Variants in UNC5C observed in about 807,000 individuals in gnomAD.
UNC5C encodes the protein unc-5 netrin receptor C, also known as netrin receptor UNC5C.
UNC5C carries 47 observed loss-of-function variants against 99.8 expected under a neutral mutation model. The observed-to-expected ratio is 0.47, with a 90% CI of 0.37 to 0.60. The LOEUF is 0.60. UNC5C is among the 20% of genes least tolerant of loss of function. The probability of loss-of-function intolerance (pLI) is 0.00; values close to 1 mark genes in which losing one functional copy is unlikely to be tolerated. For synonymous variants in UNC5C, 487 were observed against 452.2 expected, an observed-to-expected ratio of 1.08 and a Z score of -0.98; for missense variants, 1,062 against 1,165.9, an observed-to-expected ratio of 0.91 and a Z score of 1.30.
In UNC5C at chr4:95,548,106, C is replaced by G. The variant is rs182919984; in HGVS notation, c.124+628G>C. ...GGGTATGTATGAGTGCAGAGGCATG[C>G]ACATCCCGGGCCTGCCTCCAGCCGG... is the stretch of plus-strand genomic sequence containing the variant. On this transcript the variant is annotated intron_variant, in intron 1 of 15. Coordinates refer to ENST00000453304, the MANE Select transcript of UNC5C (RefSeq NM_003728.4). 3.3e-3 allele frequency among the ~76,000 whole-genome samples: 502 copies of G among 152,286 alleles called. 5 individuals are homozygous for G. Among genetic ancestry groups the G allele is most frequent in the Middle Eastern group, 0.017 (5 of 294 alleles).
intron 1 of UNC5C, among the ~76,000 whole-genome samples, chr4:95,546,133 T>C (rs546571973): frequency 7.2e-5 from 11 of 152,352 alleles, no homozygotes; most frequent in African/African-American, 2.6e-4. Context: ...CATTGTAAAG[T>C]GCTTAAAGTA....
At chr4:95,192,762 G>T (rs2149355915) in intron 12 of UNC5C, among the ~76,000 whole-genome samples, 1 of 151,326 alleles carries the variant, frequency 6.6e-6, no homozygotes, top group East Asian at 2.0e-4. Context: ...CCCTTGCCCT[G>T]CATAACAACT....
At chr4:95,447,155 A>C (rs1036090772) in intron 1 of UNC5C, among the ~76,000 whole-genome samples, 1 of 152,206 alleles carries the variant, frequency 6.6e-6, no homozygotes. Flanking sequence ...CTAGTAAAAA[A>C]TTGAAGAGCT....
At chr4:95,452,248 C>A (rs1747299035) in intron 1 of UNC5C, among the ~76,000 whole-genome samples, 1 of 133,302 alleles carries the variant, frequency 7.5e-6, no homozygotes, top group African/African-American at 3.0e-5. Context: ...TTGCATATAA[C>A]TTTCTGATAA....
chr4:95,389,711 T>C (rs1288166213), intron 1 of UNC5C, among the ~76,000 whole-genome samples: 1 of 152,128 alleles, frequency 6.6e-6, no homozygotes, highest in East Asian at 1.9e-4. Context: ...ACAGATCATG[T>C]ATTTCTGATG....
At chr4:95,486,009 A>T (rs997953029) in intron 1 of UNC5C, among the ~76,000 whole-genome samples, 1 of 151,750 alleles carries the variant, frequency 6.6e-6, no homozygotes, top group African/African-American at 2.4e-5. Flanking sequence ...ATGAACCATA[A>T]AAATATTTTT....
At chr4:95,350,216 G>A (rs1269170242) in intron 1 of UNC5C, among the ~76,000 whole-genome samples, 3 of 152,068 alleles carry the variant, frequency 2.0e-5, no homozygotes, top group Admixed American at 6.6e-5. Context: ...GGCTGGGCGC[G>A]ATGGTTCACG....
At position 95,336,215 on chromosome 4, in the gene UNC5C, C is replaced by T. The variant is rs1223213399; in HGVS notation, c.125-584G>A. 2.6e-5 allele frequency among the ~76,000 whole-genome samples: 4 copies of T among 151,828 alleles called. No homozygotes were observed. In the Admixed American group the frequency reaches 2.6e-4, roughly 10 times the overall value. On this transcript the variant is annotated intron_variant, in intron 1 of 15. Coordinates refer to ENST00000453304, the MANE Select transcript of UNC5C (RefSeq NM_003728.4). ...TAGATAATTTGCACACTTTGAGATA[C>T]ATTTTAAACCTGGATTCTGCATGAT...
At chr4:95,218,672 T>C (rs1738348399) in intron 9 of UNC5C, among the ~76,000 whole-genome samples, 1 of 152,224 alleles carries the variant, frequency 6.6e-6, no homozygotes, top group African/African-American at 2.4e-5. Context: ...GGCTTGATGT[T>C]GCCTTCTGAA....
chr4:95,189,671 G>A (rs184139674), intron 12 of UNC5C, among the ~76,000 whole-genome samples: 2 of 152,304 alleles, frequency 1.3e-5, no homozygotes, highest in East Asian at 3.9e-4. Flanking sequence ...CCATCAAAAA[G>A]TGGGCGAAGG....
chr4:95,502,237 C>T (rs1318816480), intron 1 of UNC5C, among the ~76,000 whole-genome samples: 2 of 152,062 alleles, frequency 1.3e-5, no homozygotes, highest in Admixed American at 6.6e-5. Flanking sequence ...GGATTAGAAA[C>T]TTTATTAGAA....
Position 95,266,866 on chromosome 4 carries a change from G to T in UNC5C, c.594+11393C>A, listed in dbSNP as rs1294554612. Among the ~76,000 whole-genome samples, 4 of 152,148 alleles carry T rather than the reference G, an allele frequency of 2.6e-5. No homozygotes were observed. In the East Asian group the frequency reaches 7.7e-4, roughly 29 times the overall value. ...TCCAGTGGATTATCCATTTATAGCT[G>T]GTCACTAAATATGGGATAAGTTATA... On this transcript the variant is annotated intron_variant, in intron 4 of 15. Transcript: ENST00000453304.
At position 95,164,206 on chromosome 4, in the gene UNC5C, C is replaced by A. The variant is rs1318202261; in HGVS notation, c.*5028G>T. The A allele has an allele frequency of 6.6e-6, 1 of 152,190 alleles. No individual in the cohort carries two copies. The highest frequency in any genetic ancestry group is 1.5e-5 in the Non-Finnish European group (1 of 68,040). The allele number at this position is 152,190 out of a possible 1,614,324, so 9.4% of individuals were successfully genotyped here. A position where few individuals can be genotyped will look rare whatever the true frequency, so the allele number is the denominator to read the frequency against. On this transcript the variant is annotated 3_prime_UTR_variant, in exon 16 of 16. Transcript: ENST00000453304. ...ACCCAGTTCTACACAAAGCCATCTCCCCACTTTTCAAAAATAGGTTTTTCA... is the reference window on the plus strand; with the variant it reads ...ACCCAGTTCTACACAAAGCCATCTCACCACTTTTCAAAAATAGGTTTTTCA...
intron 1 of UNC5C, among the ~76,000 whole-genome samples, chr4:95,339,257 C>T (rs1345429806): frequency 6.6e-6 from 1 of 151,962 alleles, no homozygotes; most frequent in African/African-American, 2.4e-5. Flanking sequence ...CTGTGGCCTT[C>T]CTTTGGATGT....
chr4:95,386,012 A>G (rs1745201694), intron 1 of UNC5C, among the ~76,000 whole-genome samples: 1 of 152,072 alleles, frequency 6.6e-6, no homozygotes, highest in South Asian at 2.1e-4. Flanking sequence ...CTCTCCTCAA[A>G]GTGTCTGTTA....
intron 1 of UNC5C, among the ~76,000 whole-genome samples, chr4:95,462,631 G>A (rs1747638827): frequency 6.6e-6 from 1 of 152,172 alleles, no homozygotes; most frequent in Non-Finnish European, 1.5e-5. Context: ...CTTAACTGCT[G>A]TAATGTTTTA....
At chr4:95,522,352 GT>G (rs1423947374) in intron 1 of UNC5C, among the ~76,000 whole-genome samples, 1 of 151,988 alleles carries the variant, frequency 6.6e-6, no homozygotes, top group East Asian at 1.9e-4. Context: ...ATTTCTTTCA[GT>G]AAAAATAGAT....
At chr4:95,470,970 TTGAAG>T (rs1747949071) in intron 1 of UNC5C, among the ~76,000 whole-genome samples, 1 of 152,086 alleles carries the variant, frequency 6.6e-6, no homozygotes, top group African/African-American at 2.4e-5. Context: ...GGATATACTT[TTGAAG>T]TTTTTTATCC....
chr4:95,381,020 G>A (rs1375407608), intron 1 of UNC5C, among the ~76,000 whole-genome samples: 32 of 152,134 alleles, frequency 2.1e-4, no homozygotes, highest in Admixed American at 2.1e-3. Context: ...CATTACATAG[G>A]AGAAGAAAAC....
Sources: gnomAD v4.1 joint callset for allele counts (sites outside exome capture counted in the v4.1 genomes callset) on GRCh38, gnomAD v4.1.1 for gene constraint, MANE v1.5 for transcripts, NCBI Gene and HGNC (gene_info 2026-07-23, HGNC 2026-07-21) for gene names.